The following STK32A variants were observed in gnomAD, a reference collection of about 807,000 sequenced individuals.
STK32A encodes the protein serine/threonine kinase 32A.
In STK32A, 41 loss-of-function variants were observed where a neutral mutation model predicts 53.2. The ratio of observed to expected loss-of-function variants is 0.77; its 90% CI spans 0.60 to 1.00. The LOEUF (loss-of-function observed/expected upper bound fraction) is 1.00. Among genes scored for constraint, STK32A ranks in the 50% least tolerant of loss-of-function variants. The pLI, the probability that STK32A is intolerant of heterozygous loss-of-function variation, is 0.00. For missense variants in STK32A, 458 were observed against 485.8 expected (o/e 0.94, Z 0.54); for synonymous variants, 166 against 162.8 (o/e 1.02, Z -0.15).
At chr5:147,356,302 A>G (rs1420991829) in intron 7 of STK32A, among the ~76,000 whole-genome samples, 1 of 152,222 alleles carries the variant, frequency 6.6e-6, no homozygotes, top group Non-Finnish European at 1.5e-5. Context: ...TTGTAACTGC[A>G]TGCATTGTCA....
intron 2 of STK32A, among the ~76,000 whole-genome samples, chr5:147,241,244 C>T (rs1015836860): frequency 3.6e-4 from 55 of 152,230 alleles, no homozygotes; most frequent in African/African-American, 1.3e-3. Context: ...TTTGGGAGGC[C>T]GAGGCGGGCG....
chr5:147,316,416 T>G (rs2151974404), intron 4 of STK32A, among the ~76,000 whole-genome samples: 1 of 152,350 alleles, frequency 6.6e-6, no homozygotes, highest in Middle Eastern at 3.4e-3. Context: ...TTTCATATTC[T>G]ACAGTTACAA....
intron 11 of STK32A, among the ~76,000 whole-genome samples, chr5:147,376,873 G>A (rs1433373756): frequency 6.6e-6 from 1 of 152,042 alleles, no homozygotes; most frequent in Non-Finnish European, 1.5e-5. Flanking sequence ...TCAAATATGT[G>A]AACTGCAAAT....
chr5:147,283,438 C>A, intron 4 of STK32A, among the ~76,000 whole-genome samples: 2 of 145,064 alleles, frequency 1.4e-5, no homozygotes, highest in South Asian at 2.2e-4. Flanking sequence ...AGGAAATAAC[C>A]AAGATCAAAG....
chr5:147,351,111 G>C lies in STK32A; in HGVS notation c.519G>C (p.Arg173Ser), dbSNP rs762875157. The change falls in exon 7 of 13, where the codon AGG (arginine) becomes AGC (serine). Residue 173 changes from arginine to serine, a missense_variant. By Grantham distance (110) the Arg-to-Ser change is moderately radical. Transcript: ENST00000397936. ...TDFNIAAMLP[R>S]ETQITTMAGT... ...TCAACATTGCTGCGATGCTGCCCAG[G>C]GAGACACAGATTACCACCATGGCTG... 1 of 1,613,984 alleles carries C rather than the reference G, an allele frequency of 6.2e-7. No homozygotes were observed. The highest frequency in any genetic ancestry group is 1.1e-5 in the South Asian group (1 of 91,080).
chr5:147,332,915 T>C (rs1353541753), intron 5 of STK32A, among the ~76,000 whole-genome samples: 1 of 152,182 alleles, frequency 6.6e-6, no homozygotes, highest in East Asian at 1.9e-4. Context: ...AGCCACCCAT[T>C]TGTGAAAACC....
chr5:147,317,323 C>T (rs374088270), intron 4 of STK32A, among the ~76,000 whole-genome samples: 164 of 81,324 alleles, frequency 2.0e-3, no homozygotes, highest in Admixed American at 4.2e-3. Context: ...CTTTTTCTTT[C>T]TTTTTTTTTT....
intron 6 of STK32A, among the ~76,000 whole-genome samples, chr5:147,344,855 A>T (rs555287229): frequency 1.9e-4 from 29 of 152,136 alleles, no homozygotes; most frequent in African/African-American, 6.7e-4. Context: ...TCAATCCAAC[A>T]CTTTCCCAGC....
intron 4 of STK32A, among the ~76,000 whole-genome samples, chr5:147,316,859 GAAAAAA>G (rs35058586): frequency 6.5e-5 from 4 of 61,330 alleles, no homozygotes; most frequent in South Asian, 8.3e-4. Context: ...TGTTTCTGGC[GAAAAAA>G]AAAAAAAAAA....
chr5:147,362,441 C>G (rs1466759998), intron 8 of STK32A, among the ~76,000 whole-genome samples: 2 of 152,152 alleles, frequency 1.3e-5, no homozygotes, highest in Non-Finnish European at 2.9e-5. Flanking sequence ...GTCTACTAAT[C>G]CCATCACGAG....
At chr5:147,366,875 CT>C (rs71798889) in intron 8 of STK32A, among the ~76,000 whole-genome samples, 94,012 of 147,050 alleles carry the variant, frequency 0.64, 29,757 homozygotes, top group Middle Eastern at 0.69. Context: ...CTTGTTGAGC[CT>C]TTTTTTTTTT....
chr5:147,349,833 C>T (rs911188755), intron 6 of STK32A, among the ~76,000 whole-genome samples: 4 of 151,966 alleles, frequency 2.6e-5, no homozygotes, highest in Non-Finnish European at 4.4e-5. Context: ...GTTGACTGGC[C>T]GGGCGCAGTG....
intron 5 of STK32A, among the ~76,000 whole-genome samples, chr5:147,341,556 C>T (rs1755410606): frequency 6.6e-6 from 1 of 152,162 alleles, no homozygotes; most frequent in Non-Finnish European, 1.5e-5. Flanking sequence ...CACAGTTGTG[C>T]AATGCAGCCT....
intron 4 of STK32A, among the ~76,000 whole-genome samples, chr5:147,308,487 T>C (rs1753531641): frequency 6.6e-6 from 1 of 152,210 alleles, no homozygotes; most frequent in South Asian, 2.1e-4. Flanking sequence ...TGTGATTTAC[T>C]AATAGTGGCA....
At chr5:147,273,659 GT>G (rs774114280) in intron 2 of STK32A, among the ~76,000 whole-genome samples, 1 of 152,174 alleles carries the variant, frequency 6.6e-6, no homozygotes, top group Non-Finnish European at 1.5e-5. Flanking sequence ...CCTAGATGCA[GT>G]TAATGAGCCT....
chr5:147,288,750 C>T (rs1038840625), intron 4 of STK32A, among the ~76,000 whole-genome samples: 4 of 152,158 alleles, frequency 2.6e-5, no homozygotes, highest in African/African-American at 9.7e-5. Flanking sequence ...ATGATCCAAT[C>T]ACCTCCCACC....
At chr5:147,354,007 A>G (rs1756108003) in intron 7 of STK32A, among the ~76,000 whole-genome samples, 1 of 149,340 alleles carries the variant, frequency 6.7e-6, no homozygotes, top group Non-Finnish European at 1.5e-5. Flanking sequence ...ATGTAACTAG[A>G]GAGAGAGAGA....
At chr5:147,400,947 T>C in the STK32A span, 4 of 1,361,180 alleles carry the variant, frequency 2.9e-6, no homozygotes, top group East Asian at 1.0e-4. Flanking sequence ...GGGTTTGGAA[T>C]GCCTCCTCTA....
chr5:147,260,429 C>T (rs918914694), intron 2 of STK32A, among the ~76,000 whole-genome samples: 8 of 151,874 alleles, frequency 5.3e-5, no homozygotes, highest in Admixed American at 4.6e-4. Flanking sequence ...AGGGAGCGAC[C>T]GGTGGGAGTA....
Sources: allele counts gnomAD v4.1 joint callset (sites outside exome capture counted in the v4.1 genomes callset), GRCh38; gene constraint gnomAD v4.1.1; transcripts MANE v1.5; gene names NCBI Gene and HGNC (gene_info 2026-07-23, HGNC 2026-07-21).